The following BICRAL variants were observed in gnomAD, a reference collection of about 807,000 sequenced individuals.
The protein encoded by BICRAL is BICRA like chromatin remodeling complex associated protein, also known as BRD4-interacting chromatin-remodeling complex-associated protein-like.
Under a neutral mutation model 91.8 loss-of-function variants are expected in BICRAL, and 8 were observed. The observed-to-expected ratio is 0.09, with a 90% CI of 0.05 to 0.16. The LOEUF (loss-of-function observed/expected upper bound fraction) is 0.16. BICRAL is among the 10% of genes least tolerant of loss of function. BICRAL has a pLI of 1.00. For missense variants in BICRAL, 1,038 were observed against 1,310.9 expected, an observed-to-expected ratio of 0.79 and a Z score of 3.21; for synonymous variants, 445 against 491.1, an observed-to-expected ratio of 0.91 and a Z score of 1.24.
chr6:42,867,086 C>T lies in BICRAL; in HGVS notation c.*1640C>T. On this transcript the variant is annotated 3_prime_UTR_variant, in exon 13 of 13. Transcript: ENST00000314073. ...CACTGGTCTTCACTTTAATGTGTTG[C>T]CAGAATCTGCTTCTGGCTGTCGCCA... 3.8e-6 allele frequency: 1 copy of T among 265,714 alleles called. No homozygotes were observed. Among genetic ancestry groups the T allele is most frequent in the South Asian group, 3.8e-5 (1 of 26,240 alleles). 16.5% of individuals were successfully genotyped at this position (265,714 alleles called of 1,614,324 possible).
chr6:42,797,172 T>G (rs912745468), intron 1 of BICRAL, among the ~76,000 whole-genome samples: 1 of 150,712 alleles, frequency 6.6e-6, no homozygotes, highest in African/African-American at 2.4e-5. Flanking sequence ...ATGTATAAGA[T>G]ACATAAGGAA....
Position 42,865,468 on chromosome 6 carries a change from C to T in BICRAL, c.*22C>T, listed in dbSNP as rs753429255. ...TTAATAGCAGCAGTCCTCCCCCTAC[C>T]CCGCCCCGAGACCCCACCCCGAGAC... On this transcript the variant is annotated 3_prime_UTR_variant, in exon 13 of 13. Transcript: ENST00000314073. The T allele has an allele frequency of 6.7e-7, 1 of 1,496,548 alleles. No individual in the cohort carries two copies. The highest frequency in any genetic ancestry group is 9.2e-7 in the Non-Finnish European group (1 of 1,085,196). The allele number at this position is 1,496,548 out of a possible 1,614,324, so 92.7% of individuals were successfully genotyped here.
At chr6:42,832,756 C>G (rs1764529026) in intron 6 of BICRAL, among the ~76,000 whole-genome samples, 1 of 152,002 alleles carries the variant, frequency 6.6e-6, no homozygotes, top group Non-Finnish European at 1.5e-5. Flanking sequence ...AACATACACA[C>G]ACACACTTTT....
intron 12 of BICRAL, 102 bp downstream of exon 12, chr6:42,862,714 G>A (rs1765591638): frequency 1.3e-6 from 1 of 753,320 alleles, no homozygotes; most frequent in South Asian, 1.5e-5. Context: ...AAACTTGAAG[G>A]TAGAACGTGA....
chr6:42,805,133 A>C (rs1272727953), intron 1 of BICRAL, among the ~76,000 whole-genome samples: 2 of 152,238 alleles, frequency 1.3e-5, no homozygotes, highest in South Asian at 2.1e-4. Context: ...AGACAGGCTG[A>C]GGTTGTCAGA....
Position 42,866,594 on chromosome 6 carries a change from C to A in BICRAL, c.*1148C>A, listed in dbSNP as rs1765716029. On this transcript the variant is annotated 3_prime_UTR_variant, in exon 13 of 13. Transcript: ENST00000314073. ...ACAGTAGTGACCCCTGGCAGCAATT[C>A]ATTACCAAAACACAGACAAACCAAA... 2 of 323,214 alleles carry A rather than the reference C, an allele frequency of 6.2e-6. No individual in the cohort carries two copies. Among genetic ancestry groups the A allele is most frequent in the Non-Finnish European group, 1.2e-5 (2 of 162,528 alleles). 20.0% of individuals were successfully genotyped at this position (323,214 alleles called of 1,614,324 possible).
chr6:42,771,990 A>G (rs1762744795), intron 1 of BICRAL, among the ~76,000 whole-genome samples: 1 of 152,090 alleles, frequency 6.6e-6, no homozygotes, highest in Non-Finnish European at 1.5e-5. Context: ...GGGGAGGAGG[A>G]GGATGAAGGC....
rs780115744 is a variant in BICRAL at position 42,829,880 on chromosome 6, G to A, written c.1547G>A (p.Ser516Asn). The change falls in exon 6 of 13, where the codon AGC becomes AAC. Residue 516 changes from serine to asparagine, a missense_variant. By Grantham distance (46) the Ser-to-Asn change is conservative. This residue lies in a region of BICRAL where 532 missense variants were observed against 724.9 expected (regional missense o/e 0.73). Transcript: ENST00000314073. Reference protein sequence around the residue: ...PTVLHLSPGQSSVSQGRPGFA... With the variant: ...PTVLHLSPGQNSVSQGRPGFA... ...GTATTACACCTGTCACCTGGGCAGAGCAGCGTTTCCCAAGGAAGACCTGGC... is the reference window on the plus strand; with the variant it reads ...GTATTACACCTGTCACCTGGGCAGAACAGCGTTTCCCAAGGAAGACCTGGC... 6.8e-6 allele frequency: 11 copies of A among 1,614,232 alleles called. No individual in the cohort carries two copies. The East Asian group carries it at 2.5e-4, about 36-fold the overall frequency.
chr6:42,841,451 T>C (rs1218537175), intron 6 of BICRAL, among the ~76,000 whole-genome samples: 1 of 152,124 alleles, frequency 6.6e-6, no homozygotes, highest in Non-Finnish European at 1.5e-5. Context: ...CCTCCCAAAG[T>C]GCTGGGATTA....
At position 42,829,227 on chromosome 6, in the gene BICRAL, A is replaced by G. The variant is rs781758143; in HGVS notation, c.894A>G (p.Ile298Met). 1.9e-6 allele frequency: 3 copies of G among 1,614,180 alleles called. No homozygotes were observed. The highest frequency in any genetic ancestry group is 2.5e-6 in the Non-Finnish European group (3 of 1,180,008). The change falls in exon 6 of 13, where the codon ATA (isoleucine) becomes ATG (methionine). Residue 298 changes from isoleucine to methionine, a missense_variant. Physicochemically the swap from Ile to Met is conservative, Grantham distance 10. Transcript: ENST00000314073. ...CTTTACCTGTGCATAACATCATCATACAAAGGGGTCTTGCACCAAATTCAA... is the reference window on the plus strand; with the variant it reads ...CTTTACCTGTGCATAACATCATCATGCAAAGGGGTCTTGCACCAAATTCAA... Reference protein sequence around the residue: ...QTSLPVHNIIIQRGLAPNSNK... With the variant: ...QTSLPVHNIIMQRGLAPNSNK...
intron 6 of BICRAL, among the ~76,000 whole-genome samples, chr6:42,845,212 T>G (rs1188861120): frequency 8.0e-5 from 4 of 50,298 alleles, no homozygotes; most frequent in South Asian, 6.9e-4. Flanking sequence ...TTTTTTTTTT[T>G]TTTTTTTTTT....
At chr6:42,855,304 G>A (rs990830313) in intron 8 of BICRAL, among the ~76,000 whole-genome samples, 2 of 152,188 alleles carry the variant, frequency 1.3e-5, no homozygotes, top group Non-Finnish European at 2.9e-5. Context: ...ACTTTGGGAG[G>A]CCAAGGCAGG....
At chr6:42,864,556 AGT>A in intron 12 of BICRAL, 101 bp from the exon 13 acceptor site, 1 of 850,242 alleles carries the variant, frequency 1.2e-6, no homozygotes, top group Non-Finnish European at 1.9e-6. Context: ...GGATTCTGTG[AGT>A]GGGGCTGGCT....
chr6:42,801,799 C>A (rs1763579760), intron 1 of BICRAL, among the ~76,000 whole-genome samples: 1 of 151,860 alleles, frequency 6.6e-6, no homozygotes, highest in Non-Finnish European at 1.5e-5. Flanking sequence ...GGAGAATCTG[C>A]TTGAACCCAG....
chr6:42,839,177 C>T (rs916311494), intron 6 of BICRAL, among the ~76,000 whole-genome samples: 3 of 152,130 alleles, frequency 2.0e-5, no homozygotes, highest in African/African-American at 7.2e-5. Flanking sequence ...TGCAGCACTC[C>T]AGCCTGGGCA....
At chr6:42,837,068 C>T (rs1764662861) in intron 6 of BICRAL, among the ~76,000 whole-genome samples, 1 of 152,054 alleles carries the variant, frequency 6.6e-6, no homozygotes, top group East Asian at 1.9e-4. Flanking sequence ...CCTCAGCCTC[C>T]CGAGTAGCTG....
intron 6 of BICRAL, among the ~76,000 whole-genome samples, chr6:42,833,387 GCCT>G (rs1271880288): frequency 6.6e-6 from 1 of 152,082 alleles, no homozygotes; most frequent in Non-Finnish European, 1.5e-5. Flanking sequence ...TCCCACCTCA[GCCT>G]CCTGAGTAGC....
Position 42,865,348 on chromosome 6 carries a change from G to C in BICRAL, c.3142G>C (p.Glu1048Gln). The change falls in exon 13 of 13, where the codon GAA (glutamate) becomes CAA (glutamine). Residue 1048 changes from glutamate (E) to glutamine (Q), a missense_variant. Glu to Gln is a conservative substitution (Grantham distance 29). Transcript: ENST00000314073. ...FPNFSPMASQ[E>Q]NCLEKFIPDH... ...CAACTTTTCTCCTATGGCTTCACAG[G>C]AAAACTGCCTGGAAAAGTTCATCCC... is the stretch of plus-strand genomic sequence containing the variant. 6.2e-7 allele frequency: 1 copy of C among 1,613,904 alleles called. No homozygotes were observed. The highest frequency in any genetic ancestry group is 1.3e-5 in the African/African-American group (1 of 75,000).
At chr6:42,811,394 G>A (rs6940865) in intron 2 of BICRAL, among the ~76,000 whole-genome samples, 54,343 of 151,890 alleles carry the variant, frequency 0.36, 10,057 homozygotes, top group South Asian at 0.47. Context: ...AGGCCAAGGC[G>A]GGCAGATCAC....
Sources: allele counts gnomAD v4.1 joint callset (sites outside exome capture counted in the v4.1 genomes callset), GRCh38; gene constraint gnomAD v4.1.1; regional missense constraint gnomAD v4.1.1; transcripts MANE v1.5; gene names NCBI Gene and HGNC (gene_info 2026-07-23, HGNC 2026-07-21).